The following PTPRM variants were observed in gnomAD, a reference collection of about 807,000 sequenced individuals.
PTPRM encodes protein tyrosine phosphatase receptor type M, also known as receptor-type tyrosine-protein phosphatase mu.
Under a neutral mutation model 186.7 loss-of-function variants are expected in PTPRM, and 47 were observed. The ratio of observed to expected loss-of-function variants is 0.25; its 90% CI spans 0.20 to 0.32. The LOEUF (loss-of-function observed/expected upper bound fraction) is 0.32. Among genes scored for constraint, PTPRM ranks in the 10% least tolerant of loss-of-function variants. The pLI is 1.00. For synonymous variants in PTPRM, 668 were observed against 674.9 expected, an observed-to-expected ratio of 0.99 and a Z score of 0.16; for missense variants, 1,494 against 1,865.0, an observed-to-expected ratio of 0.80 and a Z score of 3.66.
At chr18:7,973,206 T>C (rs542474123) in intron 7 of PTPRM, among the ~76,000 whole-genome samples, 1 of 152,208 alleles carries the variant, frequency 6.6e-6, no homozygotes, top group East Asian at 1.9e-4. Context: ...TATAAATATA[T>C]ATAGTATACA....
In PTPRM at chr18:7,915,087, G is replaced by A. The variant is rs180869742; in HGVS notation, c.547+8504G>A. Among the ~76,000 whole-genome samples, 416 of 152,114 alleles carry A rather than the reference G, an allele frequency of 2.7e-3. 4 individuals are homozygous for A. Among genetic ancestry groups the A allele is most frequent in the African/African-American group, 9.4e-3 (392 of 41,510 alleles). On this transcript the variant is annotated intron_variant, in intron 4 of 32. Coordinates refer to ENST00000580170, the MANE Select transcript of PTPRM (RefSeq NM_001105244.2). The stretch of plus-strand genomic sequence containing the variant: ...AATAATAATGAAACATCTACAAAAC[G>A]ATTTGTATCTTGGTCAATGATAATT...
chr18:7,667,290 C>T (rs1460485478), intron 1 of PTPRM, among the ~76,000 whole-genome samples: 1 of 152,160 alleles, frequency 6.6e-6, no homozygotes, highest in Non-Finnish European at 1.5e-5. Flanking sequence ...AATCAGTGTT[C>T]TGTGAGACTT....
At chr18:8,288,438 C>G (rs138009081) in intron 19 of PTPRM, among the ~76,000 whole-genome samples, 3 of 152,096 alleles carry the variant, frequency 2.0e-5, no homozygotes, top group African/African-American at 7.2e-5. Context: ...AGAGTAGTGC[C>G]GGCCAAGAAA....
chr18:8,371,608 C>T (rs1409190826), intron 24 of PTPRM, among the ~76,000 whole-genome samples: 2 of 152,176 alleles, frequency 1.3e-5, no homozygotes, highest in Non-Finnish European at 2.9e-5. Context: ...TACTGGTTTT[C>T]CCCTTTTGTA....
chr18:8,372,173 G>T (rs888065260), intron 24 of PTPRM, among the ~76,000 whole-genome samples: 1 of 140,932 alleles, frequency 7.1e-6, no homozygotes, highest in South Asian at 2.4e-4. Flanking sequence ...CCGGGTTCAC[G>T]CCATTCTCCT....
chr18:8,182,505 C>T (rs1427905007), intron 14 of PTPRM, among the ~76,000 whole-genome samples: 2 of 152,216 alleles, frequency 1.3e-5, no homozygotes, highest in Non-Finnish European at 1.5e-5. Flanking sequence ...GTACCCTTTT[C>T]TCTTGCACTT....
intron 14 of PTPRM, among the ~76,000 whole-genome samples, chr18:8,169,310 A>G (rs1344372917): frequency 6.6e-6 from 1 of 151,884 alleles, no homozygotes; most frequent in Non-Finnish European, 1.5e-5. Flanking sequence ...CTGCCCAAAA[A>G]GTTACATCTT....
intron 1 of PTPRM, among the ~76,000 whole-genome samples, chr18:7,762,013 A>G (rs1419398640): frequency 6.6e-6 from 1 of 152,178 alleles, no homozygotes. Flanking sequence ...ACTTTACAAC[A>G]TTCTGTTAAA....
At chr18:7,615,248 C>G (rs997360564) in intron 1 of PTPRM, among the ~76,000 whole-genome samples, 4 of 152,096 alleles carry the variant, frequency 2.6e-5, no homozygotes, top group Admixed American at 2.0e-4. Flanking sequence ...GGAACTGTAA[C>G]AGGAAAAAAA....
chr18:7,799,860 T>C (rs2043862121), intron 2 of PTPRM, among the ~76,000 whole-genome samples: 1 of 152,220 alleles, frequency 6.6e-6, no homozygotes, highest in Admixed American at 6.5e-5. Flanking sequence ...ATCCTTATTT[T>C]GTTCCTGATC....
At chr18:8,285,811 A>T (rs2094950841) in intron 19 of PTPRM, among the ~76,000 whole-genome samples, 1 of 151,930 alleles carries the variant, frequency 6.6e-6, no homozygotes, top group African/African-American at 2.4e-5. Flanking sequence ...GGGCAACATG[A>T]TGAAAACCCG....
intron 1 of PTPRM, among the ~76,000 whole-genome samples, chr18:7,705,197 A>G (rs2040051060): frequency 6.6e-6 from 1 of 152,164 alleles, no homozygotes; most frequent in Non-Finnish European, 1.5e-5. Flanking sequence ...CAAACGAGAA[A>G]TAAATACAAA....
chr18:8,244,681 C>G (rs2094461553), intron 15 of PTPRM, among the ~76,000 whole-genome samples: 1 of 152,216 alleles, frequency 6.6e-6, no homozygotes, highest in Non-Finnish European at 1.5e-5. Flanking sequence ...AAATTAAACT[C>G]TATTTCAGCT....
chr18:7,792,980 C>T (rs1300001319), intron 2 of PTPRM, among the ~76,000 whole-genome samples: 1 of 152,124 alleles, frequency 6.6e-6, no homozygotes, highest in African/African-American at 2.4e-5. Flanking sequence ...AATTTTATTA[C>T]CAAGTTACCT....
chr18:7,832,243 A>C (rs931134603), intron 2 of PTPRM, among the ~76,000 whole-genome samples: 2 of 152,160 alleles, frequency 1.3e-5, no homozygotes, highest in Non-Finnish European at 2.9e-5. Flanking sequence ...ATTTCCACCA[A>C]CTGTATATGA....
intron 23 of PTPRM, among the ~76,000 whole-genome samples, chr18:8,355,755 G>A (rs1489400834): frequency 1.3e-5 from 2 of 152,190 alleles, no homozygotes; most frequent in South Asian, 2.1e-4. Flanking sequence ...TCAGGAAAAG[G>A]GAAAAGAATA....
chr18:7,806,866 A>G (rs1277018229), intron 2 of PTPRM, among the ~76,000 whole-genome samples: 2 of 152,228 alleles, frequency 1.3e-5, no homozygotes, highest in Admixed American at 6.5e-5. Flanking sequence ...GGGAGAACCT[A>G]TGGGAAGAAG....
At chr18:8,247,722 A>G in intron 15 of PTPRM, 123 bp from the exon 16 acceptor site, 1 of 669,058 alleles carries the variant, frequency 1.5e-6, no homozygotes, top group South Asian at 1.8e-5. Flanking sequence ...TCCCACATAG[A>G]CATCAGTGAG....
chr18:7,963,177 G>A (rs1281591191), intron 7 of PTPRM, among the ~76,000 whole-genome samples: 6 of 152,230 alleles, frequency 3.9e-5, no homozygotes, highest in Non-Finnish European at 5.9e-5. Flanking sequence ...TCACGTCACC[G>A]TGTACATAGG....
Sources: gnomAD v4.1 joint callset for allele counts (sites outside exome capture counted in the v4.1 genomes callset) on GRCh38, gnomAD v4.1.1 for gene constraint, MANE v1.5 for transcripts, NCBI Gene and HGNC (gene_info 2026-07-23, HGNC 2026-07-21) for gene names.